BET1: variants seen among roughly 807,000 people sequenced by gnomAD.
The protein encoded by BET1 is BET1 homolog.
Under a neutral mutation model 13.9 loss-of-function variants are expected in BET1, and 9 were observed. The observed-to-expected ratio is 0.65, with a 90% CI of 0.39 to 1.13. The LOEUF (loss-of-function observed/expected upper bound fraction) is 1.13, where lower values mean the gene tolerates loss of function less well. Ranked by LOEUF, BET1 falls within the 50% of genes most tolerant of loss-of-function variation. The pLI is 0.01. For missense variants in BET1, 127 were observed against 133.6 expected, an observed-to-expected ratio of 0.95 and a Z score of 0.24; for synonymous variants, 39 against 47.3, an observed-to-expected ratio of 0.82 and a Z score of 0.72.
intron 6 of BET1, among the ~76,000 whole-genome samples, chr7:93,967,186 C>T (rs1301962438): frequency 6.6e-6 from 1 of 151,868 alleles, no homozygotes; most frequent in African/African-American, 2.4e-5. Context: ...AACCGTATGG[C>T]AACTTCTGGA....
intron 6 of BET1, among the ~76,000 whole-genome samples, chr7:93,970,660 T>A (rs1398426665): frequency 1.3e-5 from 2 of 151,734 alleles, no homozygotes; most frequent in Admixed American, 1.3e-4. Flanking sequence ...TAGTAAACAG[T>A]TTAAAAATAT....
chr7:93,988,428 G>A (rs1384598242), downstream of BET1, among the ~76,000 whole-genome samples: 1 of 152,142 alleles, frequency 6.6e-6, no homozygotes, highest in Admixed American at 6.6e-5. Flanking sequence ...AGATGCTACA[G>A]TTTAAGATGG....
intron 6 of BET1, chr7:93,969,692 T>C (rs1795228666): frequency 6.6e-6 from 1 of 151,780 alleles, no homozygotes; most frequent in South Asian, 2.1e-4. Flanking sequence ...CTTATTTCAG[T>C]TTACAACAGT....
chr7:93,990,379 T>A (rs1795609141), downstream of BET1, among the ~76,000 whole-genome samples: 1 of 152,012 alleles, frequency 6.6e-6, no homozygotes, highest in African/African-American at 2.4e-5. Context: ...GAGAAAGCAA[T>A]AATTATAAAT....
downstream of BET1, among the ~76,000 whole-genome samples, chr7:93,990,626 A>C (rs1033615336): frequency 6.6e-6 from 1 of 152,192 alleles, no homozygotes; most frequent in African/African-American, 2.4e-5. Context: ...AATTCTTTAC[A>C]TAATTGTATA....
downstream of BET1, among the ~76,000 whole-genome samples, chr7:93,988,946 T>C (rs1795576273): frequency 6.8e-6 from 1 of 146,790 alleles, no homozygotes; most frequent in African/African-American, 2.5e-5. Context: ...TATATAAACA[T>C]ATAAATATAT....
At chr7:93,998,758 T>C (rs570229147) in intron 2 of BET1, among the ~76,000 whole-genome samples, 4 of 151,662 alleles carry the variant, frequency 2.6e-5, no homozygotes, top group South Asian at 4.2e-4. Flanking sequence ...AAGGCAAAGA[T>C]AGAAACATCA....
chr7:93,994,413 TCA>T (rs757059937), intron 3 of BET1, 28 bp from the exon 4 acceptor site: 1 of 1,599,180 alleles, frequency 6.3e-7, no homozygotes, highest in Non-Finnish European at 8.5e-7. Flanking sequence ...AAATAAAATA[TCA>T]CAGTTAGATT....
At chr7:93,994,447 T>C in intron 3 of BET1, 62 bp from the exon 4 acceptor site, 1 of 1,466,890 alleles carries the variant, frequency 6.8e-7, no homozygotes, top group African/African-American at 1.4e-5. Context: ...CATATGCATA[T>C]CCAAGTAATT....
intron 6 of BET1, among the ~76,000 whole-genome samples, chr7:93,969,920 TATACTATTTGAA>T (rs1461236549): frequency 6.6e-4 from 100 of 151,990 alleles, no homozygotes; most frequent in African/African-American, 2.3e-3. Context: ...GAAAACAATG[TATACTATTTGAA>T]ATCAATCTTG....
downstream of BET1, among the ~76,000 whole-genome samples, chr7:93,988,251 C>T (rs1448758891): frequency 6.6e-6 from 1 of 152,170 alleles, no homozygotes; most frequent in African/African-American, 2.4e-5. Flanking sequence ...CCAAATATGT[C>T]TTTCCTAAAT....
chr7:93,980,972 G>T (rs554944761), intron 4 of BET1, among the ~76,000 whole-genome samples: 1 of 152,104 alleles, frequency 6.6e-6, no homozygotes, highest in Non-Finnish European at 1.5e-5. Flanking sequence ...CGCCATTTAC[G>T]TATCTTAGTA....
intron 4 of BET1, among the ~76,000 whole-genome samples, chr7:93,980,763 A>G (rs918241515): frequency 6.6e-6 from 1 of 152,202 alleles, no homozygotes; most frequent in African/African-American, 2.4e-5. Context: ...AGTCCTAGCG[A>G]GAGCAATCAG....
chr7:93,982,524 G>A (rs931295561), intron 4 of BET1, among the ~76,000 whole-genome samples: 39 of 152,232 alleles, frequency 2.6e-4, no homozygotes, highest in African/African-American at 8.4e-4. Context: ...AAGATTAAAT[G>A]TGTATACATC....
intron 4 of BET1, among the ~76,000 whole-genome samples, chr7:93,986,932 G>T (rs918458685): frequency 1.3e-5 from 2 of 152,028 alleles, no homozygotes; most frequent in South Asian, 4.1e-4. Flanking sequence ...TGCTATACAG[G>T]TTTGTAGCCT....
intron 4 of BET1, among the ~76,000 whole-genome samples, chr7:93,984,654 G>GCCTA (rs2116078289): frequency 6.6e-6 from 1 of 152,174 alleles, no homozygotes; most frequent in African/African-American, 2.4e-5. Flanking sequence ...GCTTCAGTAT[G>GCCTA]CCTACTTGTA....
chr7:93,987,486 T>C (rs1346110185), intron 4 of BET1, among the ~76,000 whole-genome samples: 2 of 152,200 alleles, frequency 1.3e-5, no homozygotes, highest in Non-Finnish European at 2.9e-5. Context: ...GAATCCAAGC[T>C]GGCATCATCT....
chr7:93,993,247 C>G lies in BET1; in HGVS notation c.*983G>C, dbSNP rs919499822. ...GTAAAAGAGACTTAAAGAAGTAACA[C>G]AGTCGACTAATATATTTTATTTAAA... On this transcript the variant is annotated 3_prime_UTR_variant, in exon 4 of 4. Transcript: ENST00000222547. 1.4e-5 allele frequency: 13 copies of G among 958,614 alleles called. No homozygotes were observed. Among genetic ancestry groups the G allele is most frequent in the African/African-American group, 1.8e-5 (1 of 56,726 alleles). 59.4% of individuals were successfully genotyped at this position (958,614 alleles called of 1,614,324 possible). A position where few individuals can be genotyped will look rare whatever the true frequency, so the allele number is the denominator to read the frequency against.
In BET1 at chr7:94,004,235, G is replaced by C. The variant is rs1240593161; in HGVS notation, c.-19C>G. On this transcript the variant is annotated 5_prime_UTR_variant, in exon 1 of 4. Coordinates refer to ENST00000222547, the MANE Select transcript of BET1 (RefSeq NM_005868.6). ...GCCTCATCCTGCCAGAGGAGAGAGA[G>C]AAAAGGCGGGTGCGGGGCTTTGGGT... 2 of 1,613,984 alleles carry C rather than the reference G, an allele frequency of 1.2e-6. No homozygotes were observed. Among genetic ancestry groups the C allele is most frequent in the Non-Finnish European group, 1.7e-6 (2 of 1,180,016 alleles).
Sources: gnomAD v4.1 joint callset for allele counts (sites outside exome capture counted in the v4.1 genomes callset) on GRCh38, gnomAD v4.1.1 for gene constraint, MANE v1.5 for transcripts, NCBI Gene and HGNC (gene_info 2026-07-23, HGNC 2026-07-21) for gene names.